The following SIRPD variants were observed in gnomAD, a reference collection of about 807,000 sequenced individuals.
SIRPD encodes signal-regulatory protein delta.
In SIRPD, 21 loss-of-function variants were observed where a neutral mutation model predicts 18.0. That is an observed-to-expected ratio of 1.17 (90% CI 0.83 to 1.68). The LOEUF is 1.68. Among genes scored for constraint, SIRPD ranks in the 40% most tolerant of loss-of-function variants. SIRPD has a pLI of 0.00. For missense variants in SIRPD, 295 were observed against 238.4 expected (o/e 1.24, Z -1.56); for synonymous variants, 106 against 92.9 (o/e 1.14, Z -0.81).
chr20:1,547,883 G>C (rs1025302155), intron 2 of SIRPD, among the ~76,000 whole-genome samples: 4 of 151,944 alleles, frequency 2.6e-5, no homozygotes, highest in Non-Finnish European at 5.9e-5. Flanking sequence ...TTTATTTTTA[G>C]TGTTCATTCC....
At position 1,551,630 on chromosome 20, in the gene SIRPD, G is replaced by A. The variant is rs2091019284; in HGVS notation, c.421+61C>T. ...CATAGCAATTATTGAATGAATAGAA[G>A]ACATAACTGCTGAGATGATATTATA... On this transcript the variant is annotated intron_variant, in intron 2 of 3. Transcript: ENST00000381623. 2.4e-6 allele frequency: 3 copies of A among 1,274,346 alleles called. No individual in the cohort carries two copies. In the Admixed American group the frequency reaches 6.4e-5, roughly 27 times the overall value. The allele number at this position is 1,274,346 out of a possible 1,614,324, so 78.9% of individuals were successfully genotyped here.
chr20:1,546,179 G>A (rs778309921), intron 2 of SIRPD, among the ~76,000 whole-genome samples: 14 of 152,178 alleles, frequency 9.2e-5, no homozygotes, highest in Non-Finnish European at 1.6e-4. Context: ...CTTCAGAGCC[G>A]GCAGGCAGGA....
In SIRPD at chr20:1,545,053, A is replaced by C. The variant is rs11907712; in HGVS notation, c.421+6638T>G. Among the ~76,000 whole-genome samples the C allele has an allele frequency of 9.2e-3, 1,390 of 151,904 alleles. 22 individuals carry two copies. Among genetic ancestry groups the C allele is most frequent in the African/African-American group, 0.033 (1,356 of 41,422 alleles). On this transcript the variant is annotated intron_variant, in intron 2 of 3. Coordinates refer to ENST00000381623, the MANE Select transcript of SIRPD (RefSeq NM_178460.3). ...CTCTCTGGCTGCCTTAACATTTTTC[A>C]CTTCATTTCAACCTTGGTGAATCTG...
intron 2 of SIRPD, among the ~76,000 whole-genome samples, chr20:1,543,257 G>A (rs960287350): frequency 6.6e-6 from 1 of 152,128 alleles, no homozygotes; most frequent in Non-Finnish European, 1.5e-5. Flanking sequence ...AATCCATCTG[G>A]TCCTTGGCTT....
intron 1 of SIRPD, among the ~76,000 whole-genome samples, chr20:1,553,402 A>C (rs1463974598): frequency 6.6e-6 from 1 of 152,156 alleles, no homozygotes; most frequent in African/African-American, 2.4e-5. Context: ...TACCTGCCTG[A>C]AGAGCCCTTT....
intron 2 of SIRPD, 53 bp from the exon 3 acceptor site, chr20:1,537,363 G>T (rs370172231): frequency 3.2e-6 from 5 of 1,566,304 alleles, no homozygotes; most frequent in Non-Finnish European, 4.4e-6. Flanking sequence ...AAGTTACTAT[G>T]ATGGGAGGAA....
rs201561982 is a variant in SIRPD, at chr20:1,557,563, C to T, written c.73+18G>A. 5 of 1,549,610 alleles carry T rather than the reference C, an allele frequency of 3.2e-6. No individual in the cohort carries two copies. In the African/African-American group the frequency reaches 5.5e-5, roughly 17 times the overall value. ...GAGGGGAGAACCCACCACACACATA[C>T]ACTGAGGCCCCACTCACCTGCCAGT... On this transcript the variant is annotated intron_variant, in intron 1 of 3. Transcript: ENST00000381623.
intron 2 of SIRPD, among the ~76,000 whole-genome samples, chr20:1,548,264 G>A (rs187933016): frequency 5.1e-4 from 77 of 152,214 alleles, no homozygotes; most frequent in African/African-American, 1.7e-3. Flanking sequence ...TCTTTATCAG[G>A]TTGATAAAGT....
At chr20:1,555,390 G>A (rs2091036063) in intron 1 of SIRPD, among the ~76,000 whole-genome samples, 1 of 152,194 alleles carries the variant, frequency 6.6e-6, no homozygotes, top group South Asian at 2.1e-4. Flanking sequence ...TAAAGTTGTA[G>A]TTAGACATGA....
chr20:1,541,797 T>A (rs902244058), intron 2 of SIRPD, among the ~76,000 whole-genome samples: 16 of 152,234 alleles, frequency 1.1e-4, no homozygotes, highest in African/African-American at 3.6e-4. Context: ...CTTTAATTCA[T>A]ATTGAGTTAA....
rs111431969 is a variant in SIRPD at position 1,551,800 on chromosome 20, G to C, written c.312C>G (p.Ile104Met). 3.1e-6 allele frequency: 5 copies of C among 1,614,106 alleles called. No individual in the cohort carries two copies. Among genetic ancestry groups the C allele is most frequent in the African/African-American group, 1.3e-5 (1 of 75,024 alleles). The change falls in exon 2 of 4, where the codon ATC becomes ATG. Residue 104 changes from isoleucine (I) to methionine (M), a missense_variant. Physicochemically the swap from Ile to Met is conservative, Grantham distance 10 (BLOSUM62 1). Transcript: ENST00000381623. The stretch of plus-strand genomic sequence containing the variant: ...CAGCATCAGCAAGAGAGATTTCACG[G>C]ATGCGGGTGGAAAAGTCTGTGTTGC... Reference protein sequence around the residue: ...KPGNTDFSTRIREISLADAGT... With the variant: ...KPGNTDFSTRMREISLADAGT...
chr20:1,547,003 A>G (rs1386476814), intron 2 of SIRPD, among the ~76,000 whole-genome samples: 4 of 152,192 alleles, frequency 2.6e-5, no homozygotes, highest in Non-Finnish European at 5.9e-5. Context: ...TTTGAAGCAT[A>G]AAAGGTTTTA....
chr20:1,547,536 C>T (rs1384856865), intron 2 of SIRPD, among the ~76,000 whole-genome samples: 2 of 152,292 alleles, frequency 1.3e-5, no homozygotes, highest in East Asian at 3.9e-4. Flanking sequence ...GGATTACAGG[C>T]GTGAGCCATT....
chr20:1,551,601 G>T, intron 2 of SIRPD, 90 bp downstream of exon 2: 2 of 957,312 alleles, frequency 2.1e-6, no homozygotes, highest in Non-Finnish European at 3.2e-6. Flanking sequence ...AATAATATTT[G>T]GCACATAGCA....
At chr20:1,548,209 C>T (rs985574245) in intron 2 of SIRPD, among the ~76,000 whole-genome samples, 17 of 152,190 alleles carry the variant, frequency 1.1e-4, no homozygotes, top group East Asian at 3.9e-4. Flanking sequence ...CTGTGGCTTT[C>T]GGTTTTGCTA....
chr20:1,552,377 G>A (rs1363972656), intron 1 of SIRPD, among the ~76,000 whole-genome samples: 1 of 152,088 alleles, frequency 6.6e-6, no homozygotes, highest in East Asian at 1.9e-4. Flanking sequence ...GAGTCACTCG[G>A]TACATTTGGA....
rs770396424 is a variant in SIRPD, at chr20:1,534,454, AAAAAT to A, written c.578-18_578-14del. 9 of 1,607,434 alleles carry A rather than the reference AAAAAT, an allele frequency of 5.6e-6. No individual in the cohort carries two copies. Among genetic ancestry groups the A allele is most frequent in the Non-Finnish European group, 7.7e-6 (9 of 1,175,752 alleles). ...TTTGACAGCAAGCCTGAAATACAAT[AAAAAT>A]AAAATAAAATAAAACATTTCTCCCT... is the stretch of plus-strand genomic sequence containing the variant. On this transcript the variant is annotated splice_polypyrimidine_tract_variant and intron_variant, in intron 3 of 3. Coordinates refer to ENST00000381623, the MANE Select transcript of SIRPD (RefSeq NM_178460.3).
chr20:1,543,028 T>C (rs2090979049), intron 2 of SIRPD, among the ~76,000 whole-genome samples: 1 of 152,222 alleles, frequency 6.6e-6, no homozygotes, highest in Non-Finnish European at 1.5e-5. Flanking sequence ...TGCATTCGGT[T>C]AGCCAGTATT....
chr20:1,541,237 A>C (rs1794546375), intron 2 of SIRPD, among the ~76,000 whole-genome samples: 1 of 152,198 alleles, frequency 6.6e-6, no homozygotes, highest in Admixed American at 6.5e-5. Context: ...TGGTTGAAGT[A>C]ATTTACACTC....
Sources: gnomAD v4.1 joint callset for allele counts (sites outside exome capture counted in the v4.1 genomes callset) on GRCh38, gnomAD v4.1.1 for gene constraint, MANE v1.5 for transcripts, NCBI Gene and HGNC (gene_info 2026-07-23, HGNC 2026-07-21) for gene names.